KCNN2: variants seen among roughly 807,000 people sequenced by gnomAD.
KCNN2 encodes the protein potassium calcium-activated channel subfamily N member 2.
In KCNN2, 24 loss-of-function variants were observed where a neutral mutation model predicts 55.5. The ratio of observed to expected loss-of-function variants is 0.43; its 90% confidence interval spans 0.31 to 0.61. The LOEUF is 0.61. Among genes scored for constraint, KCNN2 ranks in the 20% least tolerant of loss-of-function variants. The probability of loss-of-function intolerance (pLI) is 0.08; values close to 1 mark genes in which losing one functional copy is unlikely to be tolerated. For missense variants in KCNN2, 754 were observed against 853.6 expected, an observed-to-expected ratio of 0.88 and a Z score of 1.45; for synonymous variants, 431 against 336.1, an observed-to-expected ratio of 1.28 and a Z score of -3.09.
In KCNN2 at chr5:114,126,113, C is replaced by G. The variant is rs539849266; in HGVS notation, c.-271+69613C>G. 2.6e-5 allele frequency among the ~76,000 whole-genome samples: 4 copies of G among 152,194 alleles called. No homozygotes were observed. The East Asian group carries it at 5.8e-4, about 22-fold the overall frequency. On this transcript the variant is annotated intron_variant, in intron 1 of 10. Transcript: ENST00000512097. ...GGTGTCTCTTCACATCATTTTCCAG[C>G]TGTGAGCATCTGTTTCTCTGTTCAA...
intron 3 of KCNN2, among the ~76,000 whole-genome samples, chr5:114,419,373 C>G (rs1759405046): frequency 6.6e-6 from 1 of 152,186 alleles, no homozygotes; most frequent in African/African-American, 2.4e-5. Flanking sequence ...GTTTGCCAAC[C>G]TCTTATCTAA....
chr5:114,097,219 A>G (rs1312186290), intron 1 of KCNN2, among the ~76,000 whole-genome samples: 3 of 152,222 alleles, frequency 2.0e-5, no homozygotes, highest in Admixed American at 2.0e-4. Flanking sequence ...TTATAGGTCC[A>G]ATCTTAGTTT....
chr5:114,436,489 G>A (rs892207678), intron 3 of KCNN2, among the ~76,000 whole-genome samples: 3 of 152,056 alleles, frequency 2.0e-5, no homozygotes, highest in Non-Finnish European at 4.4e-5. Context: ...GATGAATAAG[G>A]CCTTAGAAAA....
At chr5:114,226,958 A>T (rs1297778454) in intron 2 of KCNN2, among the ~76,000 whole-genome samples, 2 of 151,584 alleles carry the variant, frequency 1.3e-5, no homozygotes, top group African/African-American at 4.8e-5. Flanking sequence ...TGAGTATCTA[A>T]TTTTTGTGGA....
At chr5:114,459,828 A>C (rs1409471350) in intron 3 of KCNN2, among the ~76,000 whole-genome samples, 1 of 152,348 alleles carries the variant, frequency 6.6e-6, no homozygotes, top group Middle Eastern at 3.4e-3. Flanking sequence ...TCTCTGATGC[A>C]ATGTAATGCG....
At chr5:114,164,482 T>C (rs534684746) in intron 1 of KCNN2, among the ~76,000 whole-genome samples, 38 of 152,332 alleles carry the variant, frequency 2.5e-4, no homozygotes, top group African/African-American at 8.7e-4. Context: ...TCAAGAATAT[T>C]GGAAACTAAT....
intron 1 of KCNN2, among the ~76,000 whole-genome samples, chr5:114,180,268 T>C (rs959695068): frequency 3.3e-5 from 5 of 152,192 alleles, no homozygotes. Flanking sequence ...AGAACTTCAG[T>C]CACTACTACC....
chr5:114,362,772 A>T lies in KCNN2; in HGVS notation c.633A>T (p.Ile211=). 6.3e-7 allele frequency: 1 copy of T among 1,578,910 alleles called. No homozygotes were observed. Reference sequence around the variant, plus strand: ...GCGAGAGCAACCCCTTCACCGAAATAGCCATGAGCAGCTGCAGGTACAACG... The same window carrying T: ...GCGAGAGCAACCCCTTCACCGAAATTGCCATGAGCAGCTGCAGGTACAACG... ...ARRESNPFTE[I]AMSSCRYNGG... is the part of the protein sequence containing the mutation. The change falls in exon 1 of 8, where the codon ATA becomes ATT. Residue 211 remains isoleucine, a synonymous_variant. Coordinates refer to ENST00000673685, the MANE Select transcript of KCNN2 (RefSeq NM_021614.4).
intron 2 of KCNN2, among the ~76,000 whole-genome samples, chr5:114,399,970 C>T (rs1317008958): frequency 1.6e-5 from 2 of 123,800 alleles, no homozygotes; most frequent in East Asian, 2.3e-4. Flanking sequence ...GTGGTAATGT[C>T]CCCTTTGTCA....
At chr5:114,202,764 T>C (rs1229390847) in intron 1 of KCNN2, among the ~76,000 whole-genome samples, 1 of 151,560 alleles carries the variant, frequency 6.6e-6, no homozygotes, top group African/African-American at 2.4e-5. Flanking sequence ...TTTTTTGTAT[T>C]TTTAGTAGAG....
intron 1 of KCNN2, among the ~76,000 whole-genome samples, chr5:114,136,048 G>C (rs1413118799): frequency 6.6e-6 from 1 of 152,118 alleles, no homozygotes; most frequent in Non-Finnish European, 1.5e-5. Flanking sequence ...AAAGAATTGA[G>C]TTACCAGATT....
At chr5:114,245,951 G>C (rs1175650647) in intron 2 of KCNN2, among the ~76,000 whole-genome samples, 2 of 152,174 alleles carry the variant, frequency 1.3e-5, no homozygotes, top group Non-Finnish European at 2.9e-5. Context: ...CAGAAGGCCA[G>C]ATATATTGAT....
rs754896683 is a variant in KCNN2, at chr5:114,363,159, C to G, written c.1020C>G (p.Phe340Leu). Residue 340 changes from phenylalanine (F) to leucine (L), a missense_variant, in exon 1 of 8, where the codon TTC becomes TTG. Around this residue, in one of 4 missense-constraint regions of KCNN2, gnomAD observed 123 missense variants for 204.9 expected, o/e 0.60. Coordinates refer to ENST00000673685, the MANE Select transcript of KCNN2 (RefSeq NM_021614.4). ...AGCTGGGCCACCGGCGCGCCCTGTTCGAAAAGCGCAAGCGGCTCAGCGACT... is the reference window on the plus strand; with the variant it reads ...AGCTGGGCCACCGGCGCGCCCTGTTGGAAAAGCGCAAGCGGCTCAGCGACT... ...GYKLGHRRALFEKRKRLSDYA... is the reference protein window; with the variant it reads ...GYKLGHRRALLEKRKRLSDYA... 1.2e-6 allele frequency: 2 copies of G among 1,613,546 alleles called. No individual in the cohort carries two copies. Among genetic ancestry groups the G allele is most frequent in the Non-Finnish European group, 1.7e-6 (2 of 1,180,014 alleles).
intron 2 of KCNN2, among the ~76,000 whole-genome samples, chr5:114,235,945 T>C (rs73260047): frequency 0.022 from 3,345 of 152,304 alleles, 106 homozygotes; most frequent in African/African-American, 0.075. Context: ...TCAGTATAAG[T>C]GTGCTGTGCT....
At chr5:114,494,700 T>G (rs140248924) in intron 7 of KCNN2, among the ~76,000 whole-genome samples, 1 of 152,232 alleles carries the variant, frequency 6.6e-6, no homozygotes, top group East Asian at 1.9e-4. Flanking sequence ...ATTAATGTAC[T>G]TATTATGACC....
At chr5:114,371,078 TG>T (rs1223958430) in intron 2 of KCNN2, among the ~76,000 whole-genome samples, 1 of 152,146 alleles carries the variant, frequency 6.6e-6, no homozygotes. Context: ...GGATAGAATG[TG>T]GCAGGTAAGG....
chr5:114,228,168 T>A lies in KCNN2; in HGVS notation c.-185+6603T>A, dbSNP rs188872973. ...ATTAAGGAACAATAAAATTTCAGTC[T>A]TGAGATGTCATTTCAATTATTAGAA... On this transcript the variant is annotated intron_variant, in intron 2 of 10. Transcript: ENST00000512097. Among the ~76,000 whole-genome samples the A allele has an allele frequency of 4.6e-5, 7 of 152,236 alleles. No individual in the cohort carries two copies. The East Asian group carries it at 1.4e-3, about 29-fold the overall frequency.
At chr5:114,339,143 G>A (rs374631213) in intron 2 of KCNN2, among the ~76,000 whole-genome samples, 100 of 152,268 alleles carry the variant, frequency 6.6e-4, no homozygotes, top group African/African-American at 2.4e-3. Flanking sequence ...CATCACAAAG[G>A]TTCCCTAAGA....
intron 2 of KCNN2, among the ~76,000 whole-genome samples, chr5:114,255,185 C>G (rs1177339156): frequency 6.6e-6 from 1 of 152,128 alleles, no homozygotes; most frequent in Non-Finnish European, 1.5e-5. Context: ...TGCCAGATGT[C>G]TTCCCTCAAG....
Sources: allele counts gnomAD v4.1 joint callset (sites outside exome capture counted in the v4.1 genomes callset), GRCh38; gene constraint gnomAD v4.1.1; regional missense constraint gnomAD v4.1.1; transcripts MANE v1.5; gene names NCBI Gene and HGNC (gene_info 2026-07-23, HGNC 2026-07-21).